The following RNF13 variants were observed in gnomAD, a reference collection of about 807,000 sequenced individuals.
RNF13 encodes E3 ubiquitin-protein ligase RNF13.
Under a neutral mutation model 37.7 loss-of-function variants are expected in RNF13, and 19 were observed. The ratio of observed to expected loss-of-function variants is 0.50; its 90% CI spans 0.35 to 0.74. The LOEUF (loss-of-function observed/expected upper bound fraction) is 0.74. Ranked by LOEUF, RNF13 falls within the 30% of genes least tolerant of loss-of-function variation. The probability of loss-of-function intolerance (pLI) is 0.01; values close to 1 mark genes in which losing one functional copy is unlikely to be tolerated. For synonymous variants in RNF13, 144 were observed against 157.8 expected (o/e 0.91, Z 0.65); for missense variants, 375 against 453.0 (o/e 0.83, Z 1.56).
intron 1 of RNF13, among the ~76,000 whole-genome samples, chr3:149,841,818 C>CG (rs1722210369): frequency 6.6e-6 from 1 of 152,102 alleles, no homozygotes; most frequent in East Asian, 1.9e-4. Flanking sequence ...TTAGTAGAGA[C>CG]GGGGTTTCCC....
intron 1 of RNF13, among the ~76,000 whole-genome samples, chr3:149,819,777 T>C (rs977505764): frequency 6.6e-6 from 1 of 152,238 alleles, no homozygotes; most frequent in Non-Finnish European, 1.5e-5. Flanking sequence ...GCTTAATCTG[T>C]TAAGGAATTT....
intron 1 of RNF13, among the ~76,000 whole-genome samples, chr3:149,815,250 TTA>T (rs1159542391): frequency 6.6e-6 from 1 of 152,148 alleles, no homozygotes; most frequent in Non-Finnish European, 1.5e-5. Flanking sequence ...AGGGATAGAT[TTA>T]TGTCTTTGAG....
intron 6 of RNF13, among the ~76,000 whole-genome samples, chr3:149,909,275 A>G (rs1199238561): frequency 4.0e-5 from 6 of 148,838 alleles, no homozygotes; most frequent in Non-Finnish European, 7.4e-5. Context: ...GATGCTCAAA[A>G]CCTTTTTTTT....
chr3:149,877,308 A>G (rs1313200721), intron 4 of RNF13, among the ~76,000 whole-genome samples: 1 of 152,110 alleles, frequency 6.6e-6, no homozygotes, highest in African/African-American at 2.4e-5. Flanking sequence ...CATTTGCTTC[A>G]TGTTCATTTC....
At chr3:149,823,505 T>G (rs1341239156) in intron 1 of RNF13, among the ~76,000 whole-genome samples, 1 of 152,212 alleles carries the variant, frequency 6.6e-6, no homozygotes, top group Non-Finnish European at 1.5e-5. Flanking sequence ...AATGTTTCTT[T>G]GGTGTAGTGA....
At chr3:149,842,603 T>C (rs989083755) in intron 1 of RNF13, among the ~76,000 whole-genome samples, 50 of 152,360 alleles carry the variant, frequency 3.3e-4, no homozygotes, top group African/African-American at 1.2e-3. Flanking sequence ...CCAGCCACTT[T>C]TATCACTTTA....
At chr3:149,869,122 G>T (rs1711688308) in intron 3 of RNF13, among the ~76,000 whole-genome samples, 1 of 151,582 alleles carries the variant, frequency 6.6e-6, no homozygotes, top group Admixed American at 6.6e-5. Context: ...CCATTCTGAT[G>T]TTGAGAGCCT....
At chr3:149,814,949 C>A (rs1274499241) in intron 1 of RNF13, among the ~76,000 whole-genome samples, 3 of 150,324 alleles carry the variant, frequency 2.0e-5, no homozygotes, top group Admixed American at 2.0e-4. Flanking sequence ...TTTTTTTTAA[C>A]CTCTGCCTTT....
intron 8 of RNF13, among the ~76,000 whole-genome samples, chr3:149,942,303 G>A (rs556192895): frequency 6.6e-6 from 1 of 152,202 alleles, no homozygotes; most frequent in South Asian, 2.1e-4. Context: ...TGGACAGTTT[G>A]ACAATGTTAA....
intron 5 of RNF13, among the ~76,000 whole-genome samples, chr3:149,895,886 A>G (rs1483431711): frequency 6.6e-6 from 1 of 152,214 alleles, no homozygotes; most frequent in African/African-American, 2.4e-5. Flanking sequence ...AGAGATTCAC[A>G]GCATTATTTT....
intron 7 of RNF13, among the ~76,000 whole-genome samples, chr3:149,920,718 T>C (rs1310861607): frequency 1.3e-5 from 2 of 152,040 alleles, no homozygotes; most frequent in Non-Finnish European, 2.9e-5. Context: ...CCTGTTATTC[T>C]GTAGTAACTA....
At chr3:149,946,615 T>C (rs1202863384) in intron 8 of RNF13, among the ~76,000 whole-genome samples, 1 of 152,170 alleles carries the variant, frequency 6.6e-6, no homozygotes, top group African/African-American at 2.4e-5. Context: ...AATTTAATAC[T>C]AGCCTCATAA....
chr3:149,892,462 C>T lies in RNF13; in HGVS notation c.322-3011C>T, dbSNP rs574179210. Reference sequence around the variant, plus strand: ...CCAGAAAAGTTTATATGTAGACAACCGCAGATTTAAGGACCCCCTGGAGAC... The same window carrying T: ...CCAGAAAAGTTTATATGTAGACAACTGCAGATTTAAGGACCCCCTGGAGAC... On this transcript the variant is annotated intron_variant, in intron 4 of 9. Coordinates refer to ENST00000392894, the MANE Select transcript of RNF13 (RefSeq NM_183381.3). Among the ~76,000 whole-genome samples, 89 of 152,188 alleles carry T rather than the reference C, an allele frequency of 5.8e-4. 2 individuals are homozygous for T. In the South Asian group the frequency reaches 0.015, roughly 26 times the overall value.
chr3:149,896,576 T>A (rs1715296151), intron 5 of RNF13, among the ~76,000 whole-genome samples: 2 of 151,300 alleles, frequency 1.3e-5, no homozygotes, highest in African/African-American at 4.9e-5. Flanking sequence ...GCCTCCTGGG[T>A]TCAAGCGATT....
At chr3:149,867,559 C>G (rs1711516315) in intron 3 of RNF13, among the ~76,000 whole-genome samples, 1 of 151,814 alleles carries the variant, frequency 6.6e-6, no homozygotes, top group East Asian at 1.9e-4. Context: ...GCGACCGCAC[C>G]CGGCCTCTTG....
upstream of RNF13, chr3:149,812,837 C>CTGA (rs1719038766): frequency 1.3e-5 from 2 of 152,522 alleles, no homozygotes; most frequent in Non-Finnish European, 2.9e-5. Flanking sequence ...GCAGATCAGA[C>CTGA]CGACCGGCCC....
Position 149,859,280 on chromosome 3 carries a change from C to G in RNF13, c.195+6684C>G, listed in dbSNP as rs1296276120. Among the ~76,000 whole-genome samples the G allele has an allele frequency of 5.3e-5, 8 of 152,260 alleles. No homozygotes were observed. In the East Asian group the frequency reaches 1.5e-3, roughly 29 times the overall value. On this transcript the variant is annotated intron_variant, in intron 3 of 9. Transcript: ENST00000392894. Reference sequence around the variant, plus strand: ...ATACATGAAATAAGAATTCTAAGATCTAAGGACATTTTCACATGCACATAG... The same window carrying G: ...ATACATGAAATAAGAATTCTAAGATGTAAGGACATTTTCACATGCACATAG...
rs1396105683 is a variant in RNF13, at chr3:149,902,248, G to A, written c.500+86G>A. ...TATATAATATTGTAATCAAGATTAT[G>A]TTTCAGAATGAACTCTGTAGTGCTA... On this transcript the variant is annotated intron_variant, in intron 6 of 9. Coordinates refer to ENST00000392894, the MANE Select transcript of RNF13 (RefSeq NM_183381.3). 3.1e-5 allele frequency: 20 copies of A among 637,172 alleles called. No homozygotes were observed. The Admixed American group carries it at 6.8e-4, about 22-fold the overall frequency. The allele number at this position is 637,172 out of a possible 1,614,324, so 39.5% of individuals were successfully genotyped here.
chr3:149,855,003 G>C (rs1267652661), intron 3 of RNF13, among the ~76,000 whole-genome samples: 2 of 152,160 alleles, frequency 1.3e-5, no homozygotes, highest in East Asian at 3.9e-4. Context: ...AGCACCGTGA[G>C]TGACAGATGT....
Sources: allele counts gnomAD v4.1 joint callset (sites outside exome capture counted in the v4.1 genomes callset), GRCh38; gene constraint gnomAD v4.1.1; transcripts MANE v1.5; gene names NCBI Gene and HGNC (gene_info 2026-07-23, HGNC 2026-07-21).